Variants in RUVBL1 observed in about 807,000 individuals in gnomAD.
RUVBL1 encodes the protein RuvB like AAA ATPase 1.
RUVBL1 carries 4 observed loss-of-function variants against 52.4 expected under a neutral mutation model. The ratio of observed to expected loss-of-function variants is 0.08; its 90% CI spans 0.04 to 0.17. The LOEUF (loss-of-function observed/expected upper bound fraction) is 0.17. Ranked by LOEUF, RUVBL1 falls within the 10% of genes least tolerant of loss-of-function variation. RUVBL1 has a pLI of 1.00. For synonymous variants in RUVBL1, 217 were observed against 214.4 expected (o/e 1.01, Z -0.10); for missense variants, 298 against 572.8 (o/e 0.52, Z 4.90).
At chr3:128,133,716 G>A (rs1269639947) in intron 1 of RUVBL1, among the ~76,000 whole-genome samples, 1 of 152,236 alleles carries the variant, frequency 6.6e-6, no homozygotes. Context: ...CAGCTGCAGT[G>A]ACCAAAGACA....
intron 7 of RUVBL1, 133 bp downstream of exon 7, chr3:128,098,742 CAAGCTCT>C: frequency 1.4e-6 from 1 of 716,652 alleles, no homozygotes; most frequent in Non-Finnish European, 2.4e-6. Context: ...AGGCTAGAGT[CAAGCTCT>C]AAGCTATGAG....
intron 3 of RUVBL1, among the ~76,000 whole-genome samples, chr3:128,112,655 T>C (rs1376893448): frequency 1.3e-5 from 2 of 152,202 alleles, no homozygotes; most frequent in African/African-American, 4.8e-5. Context: ...ATTTATTGCA[T>C]GAAGAAGCGC....
intron 3 of RUVBL1, among the ~76,000 whole-genome samples, chr3:128,108,014 C>T (rs985705385): frequency 6.6e-5 from 10 of 152,304 alleles, no homozygotes; most frequent in South Asian, 4.1e-4. Flanking sequence ...ACGTGGGTGA[C>T]GGACAATGAA....
At position 128,067,271 on chromosome 3, in the gene RUVBL1, T is replaced by G. The variant is rs1248729877; in HGVS notation, c.940-2051A>C. On this transcript the variant is annotated intron_variant, in intron 9 of 9. Coordinates refer to the RUVBL1 transcript ENST00000464873. This position sits in a 1 kb window ranked among gnomAD's most constrained non-coding sequence, Gnocchi z 4.1. ...TATTTTCCATTGTGCCTTTTACAAA[T>G]TCAGCACATTAAATTATCTTTTCAG... The G allele has an allele frequency of 1.7e-5, 22 of 1,298,472 alleles. No homozygotes were observed. In the South Asian group the frequency reaches 1.8e-4, roughly 10 times the overall value. The allele number at this position is 1,298,472 out of a possible 1,614,324, so 80.4% of individuals were successfully genotyped here.
intron 1 of RUVBL1, among the ~76,000 whole-genome samples, chr3:128,129,600 T>G (rs954046366): frequency 3.3e-5 from 5 of 152,092 alleles, no homozygotes; most frequent in Admixed American, 6.5e-5. Flanking sequence ...GTATTCCCAG[T>G]AGTAAAGAGG....
At chr3:128,076,863 C>G (rs1942344588), downstream of RUVBL1, among the ~76,000 whole-genome samples, 1 of 152,178 alleles carries the variant, frequency 6.6e-6, no homozygotes, top group African/African-American at 2.4e-5. This position sits in a 1 kb window ranked among gnomAD's most constrained non-coding sequence, Gnocchi z 6.8. Flanking sequence ...CCCACCATGT[C>G]CCTCTGGGTG....
chr3:128,065,438 G>A (rs1336792737), intron 9 of RUVBL1, among the ~76,000 whole-genome samples: 2 of 152,194 alleles, frequency 1.3e-5, no homozygotes, highest in African/African-American at 4.8e-5. Flanking sequence ...TTCTTAAGCT[G>A]TCTTACCTTT....
chr3:128,082,803 T>C lies in RUVBL1; in HGVS notation c.1120-229A>G. ...ATGAATAGCATCACGGCCAGTGTGC[T>C]GTATTCAACTGACTCAAGTGTGGCT... On this transcript the variant is annotated intron_variant, in intron 9 of 10. Coordinates refer to ENST00000322623, the MANE Select transcript of RUVBL1 (RefSeq NM_003707.3). The surrounding 1 kb of genome is among the most constrained non-coding windows in gnomAD (Gnocchi z 4.7). 1 of 419,090 alleles carries C rather than the reference T, an allele frequency of 2.4e-6. No individual in the cohort carries two copies. The allele number at this position is 419,090 out of a possible 1,614,324, so 26.0% of individuals were successfully genotyped here.
intron 8 of RUVBL1, among the ~76,000 whole-genome samples, chr3:128,093,921 G>A (rs1391686051): frequency 6.6e-6 from 1 of 152,156 alleles, no homozygotes; most frequent in East Asian, 1.9e-4. Context: ...GGACTTGGGG[G>A]CTGCTTGTCA....
chr3:128,150,575 T>C (rs1944170560), intron 1 of RUVBL1, among the ~76,000 whole-genome samples: 1 of 143,830 alleles, frequency 7.0e-6, no homozygotes, highest in South Asian at 2.1e-4. Flanking sequence ...ATTCCATATA[T>C]ATATTCCACA....
upstream of RUVBL1, among the ~76,000 whole-genome samples, chr3:128,126,443 G>A (rs1008709818): frequency 1.3e-5 from 2 of 152,094 alleles, no homozygotes; most frequent in African/African-American, 4.8e-5. Context: ...CTACTCAGGA[G>A]GCTGAGGCAC....
intron 3 of RUVBL1, among the ~76,000 whole-genome samples, chr3:128,108,436 G>A (rs900064396): frequency 6.6e-6 from 1 of 152,228 alleles, no homozygotes. Flanking sequence ...AAGCATTCAA[G>A]TTACCTTTAA....
upstream of RUVBL1, among the ~76,000 whole-genome samples, chr3:128,128,575 C>T (rs35145572): frequency 6.6e-6 from 1 of 152,064 alleles, no homozygotes; most frequent in Non-Finnish European, 1.5e-5. Flanking sequence ...AAGAAGAGGA[C>T]ATACTTCTTC....
At chr3:128,098,797 C>A (rs2107688595) in intron 7 of RUVBL1, 85 bp downstream of exon 7, 2 of 1,123,566 alleles carry the variant, frequency 1.8e-6, no homozygotes, top group Non-Finnish European at 2.7e-6. Flanking sequence ...CTCAGGGCGA[C>A]TGTGCTCACA....
At chr3:128,116,054 G>C (rs1312076903) in intron 2 of RUVBL1, among the ~76,000 whole-genome samples, 2 of 152,052 alleles carry the variant, frequency 1.3e-5, no homozygotes, top group East Asian at 3.9e-4. Flanking sequence ...CTGAACCCAA[G>C]AGGTAGAGAC....
At chr3:128,125,585 A>T (rs1943774976), upstream of RUVBL1, among the ~76,000 whole-genome samples, 1 of 152,206 alleles carries the variant, frequency 6.6e-6, no homozygotes, top group Admixed American at 6.5e-5. Flanking sequence ...ACACAAACAC[A>T]TACACTTGAA....
chr3:128,072,702 G>A (rs1942200795), intron 9 of RUVBL1, among the ~76,000 whole-genome samples: 1 of 152,220 alleles, frequency 6.6e-6, no homozygotes, highest in South Asian at 2.1e-4. Context: ...CAGGGTGCTT[G>A]CCAGTATAAA....
intron 2 of RUVBL1, among the ~76,000 whole-genome samples, chr3:128,114,109 T>C (rs187370594): frequency 3.9e-5 from 6 of 152,208 alleles, no homozygotes; most frequent in Admixed American, 6.5e-5. Context: ...ATGTCAAGTA[T>C]GGCAAGCAAA....
intron 4 of RUVBL1, among the ~76,000 whole-genome samples, chr3:128,101,971 C>T (rs1238103177): frequency 1.3e-5 from 2 of 152,214 alleles, no homozygotes; most frequent in African/African-American, 2.4e-5. Context: ...GGCAGCAGCG[C>T]TTTTATAAGG....
Sources: allele counts gnomAD v4.1 joint callset (sites outside exome capture counted in the v4.1 genomes callset), GRCh38; gene constraint gnomAD v4.1.1; non-coding constraint Gnocchi (gnomAD v3.1); transcripts MANE v1.5; gene names NCBI Gene and HGNC (gene_info 2026-07-23, HGNC 2026-07-21).